Variants in YME1L1 observed in about 807,000 individuals in gnomAD.
YME1L1 encodes the protein ATP-dependent zinc metalloprotease YME1L1.
YME1L1 carries 39 observed loss-of-function variants against 90.4 expected under a neutral mutation model. The ratio of observed to expected loss-of-function variants is 0.43; its 90% confidence interval spans 0.33 to 0.56. The LOEUF is 0.56. Ranked by LOEUF, YME1L1 falls within the 20% of genes least tolerant of loss-of-function variation. The pLI, the probability that YME1L1 is intolerant of heterozygous loss-of-function variation, is 0.03. For missense variants in YME1L1, 617 were observed against 868.4 expected, an observed-to-expected ratio of 0.71 and a Z score of 3.64; for synonymous variants, 284 against 287.3, an observed-to-expected ratio of 0.99 and a Z score of 0.12.
At chr10:27,143,138 G>A (rs1298505300) in intron 3 of YME1L1, among the ~76,000 whole-genome samples, 5 of 152,006 alleles carry the variant, frequency 3.3e-5, no homozygotes, top group Non-Finnish European at 7.4e-5. Flanking sequence ...GGGAGGCAGA[G>A]GTGGGTGGAT....
rs1432910019 is a variant in YME1L1 at position 27,120,479 on chromosome 10, G to C, written c.1367C>G (p.Thr456Arg). Residue 456 changes from threonine to arginine, a missense_variant, in exon 13 of 19, where the codon ACA (threonine) becomes AGA (arginine). Coordinates refer to ENST00000376016, the MANE Select transcript of YME1L1 (RefSeq NM_014263.4). ...ATTGAGATACCATTTCAAAATTTCT[G>C]TTCGACCTTTTACATCTGGCCTTGG... ...TVPRPDVKGR[T>R]EILKWYLNKI... The C allele has an allele frequency of 6.2e-7, 1 of 1,613,630 alleles. No homozygotes were observed. The highest frequency in any genetic ancestry group is 1.3e-5 in the African/African-American group (1 of 74,892).
chr10:27,132,462 G>A (rs1440141565), intron 7 of YME1L1, among the ~76,000 whole-genome samples: 6 of 151,906 alleles, frequency 3.9e-5, no homozygotes, highest in African/African-American at 1.5e-4. Context: ...GACATATTTC[G>A]GCTGCTCTGC....
At chr10:27,137,278 A>G (rs1389718646) in intron 4 of YME1L1, among the ~76,000 whole-genome samples, 1 of 152,048 alleles carries the variant, frequency 6.6e-6, no homozygotes, top group Non-Finnish European at 1.5e-5. Flanking sequence ...ATTTTTTGCA[A>G]TTTTCATTTT....
At chr10:27,118,526 G>A (rs530470781) in intron 14 of YME1L1, among the ~76,000 whole-genome samples, 2 of 152,270 alleles carry the variant, frequency 1.3e-5, no homozygotes, top group South Asian at 4.1e-4. Flanking sequence ...CTGGGCTCAA[G>A]CAGTCCTCCT....
chr10:27,119,270 A>AG (rs1247575129), intron 14 of YME1L1, 24 bp downstream of exon 14: 5 of 1,574,064 alleles, frequency 3.2e-6, no homozygotes, highest in Non-Finnish European at 8.6e-7. Flanking sequence ...AGTAAAAGAC[A>AG]GAAAAAAAAG....
In YME1L1 at chr10:27,112,138, A is replaced by T; in HGVS notation, c.2008-18T>A. ...TATGAGTCCTGAAACAGAAAAGGAGATACGTAAGCAGCAGCAAATGCAGGG... is the reference window on the plus strand; with the variant it reads ...TATGAGTCCTGAAACAGAAAAGGAGTTACGTAAGCAGCAGCAAATGCAGGG... On this transcript the variant is annotated intron_variant, in intron 18 of 18. Transcript: ENST00000376016. 6.3e-7 allele frequency: 1 copy of T among 1,593,724 alleles called. No individual in the cohort carries two copies. The highest frequency in any genetic ancestry group is 8.5e-7 in the Non-Finnish European group (1 of 1,170,510).
intron 8 of YME1L1, chr10:27,129,410 CA>C (rs1476652954): frequency 6.6e-6 from 1 of 152,100 alleles, no homozygotes; most frequent in Non-Finnish European, 1.5e-5. Flanking sequence ...TAATGATTCC[CA>C]ATGCCTTATT....
chr10:27,147,320 C>T (rs2057154282), intron 2 of YME1L1: 1 of 1,102,030 alleles, frequency 9.1e-7, no homozygotes, highest in Non-Finnish European at 1.3e-6. Flanking sequence ...AAAGCAAGAC[C>T]CTGTCTTTAC....
At chr10:27,117,435 G>A in intron 15 of YME1L1, 141 bp downstream of exon 15, 1 of 850,728 alleles carries the variant, frequency 1.2e-6, no homozygotes, top group South Asian at 1.8e-5. Flanking sequence ...GGGCGTGGTG[G>A]TGGGCACCTG....
In YME1L1 at chr10:27,111,820, C is replaced by T; in HGVS notation, c.*157G>A. The stretch of plus-strand genomic sequence containing the variant: ...CAATAGGTGTCATAATGAGAATAAC[C>T]CAAACTGGATAAATGTGACAAATGA... On this transcript the variant is annotated 3_prime_UTR_variant, in exon 19 of 19. Transcript: ENST00000376016. The T allele has an allele frequency of 2.0e-6, 2 of 1,006,252 alleles. No individual in the cohort carries two copies. Among genetic ancestry groups the T allele is most frequent in the Admixed American group, 1.8e-5 (1 of 54,792 alleles). The allele number at this position is 1,006,252 out of a possible 1,614,324, so 62.3% of individuals were successfully genotyped here.
chr10:27,113,457 G>A (rs2135835115), intron 18 of YME1L1, among the ~76,000 whole-genome samples: 1 of 151,510 alleles, frequency 6.6e-6, no homozygotes, highest in East Asian at 1.9e-4. Context: ...GATCGCCTGA[G>A]GTCAAGAGTT....
At chr10:27,123,326 T>G (rs777164901) in intron 10 of YME1L1, among the ~76,000 whole-genome samples, 3 of 151,952 alleles carry the variant, frequency 2.0e-5, no homozygotes, top group Non-Finnish European at 4.4e-5. Context: ...ATCTTGCACT[T>G]CCACTAGCTC....
At chr10:27,149,445 C>A (rs958805877) in intron 1 of YME1L1, among the ~76,000 whole-genome samples, 1 of 152,094 alleles carries the variant, frequency 6.6e-6, no homozygotes, top group Admixed American at 6.5e-5. Context: ...TGCAGTGGCT[C>A]ACGCCTGTAA....
In YME1L1 at chr10:27,145,536, C is replaced by G; in HGVS notation, c.223G>C (p.Asp75His). ...GLSELKIGQI[D>H]QLVENLLPGF... Reference sequence around the variant, plus strand: ...GGAAGTAGATTTTCTACCAGCTGATCAATCTGTCCAATTTTTAGTTCAGAT... The same window carrying G: ...GGAAGTAGATTTTCTACCAGCTGATGAATCTGTCCAATTTTTAGTTCAGAT... The change falls in exon 3 of 19, where the codon GAT (aspartate) becomes CAT (histidine). Residue 75 changes from aspartate to histidine, a missense_variant. Physicochemically the swap from Asp to His is moderately conservative, Grantham distance 81. Around this residue, in one of 4 missense-constraint regions of YME1L1, gnomAD observed 311 missense variants for 335.8 expected, o/e 0.93. Coordinates refer to ENST00000376016, the MANE Select transcript of YME1L1 (RefSeq NM_014263.4). 6.2e-7 allele frequency: 1 copy of G among 1,613,550 alleles called. No individual in the cohort carries two copies. The highest frequency in any genetic ancestry group is 8.5e-7 in the Non-Finnish European group (1 of 1,179,706).
Position 27,148,867 on chromosome 10 carries a change from T to C in YME1L1, c.168+39A>G, listed in dbSNP as rs1246388716. 23 of 1,610,444 alleles carry C rather than the reference T, an allele frequency of 1.4e-5. No homozygotes were observed. In the South Asian group the frequency reaches 2.4e-4, roughly 17 times the overall value. ...CATTTGTTTAAGGGTCAACTGTATA[T>C]CAAAAAGGCTTTCTCACACAACCAG... On this transcript the variant is annotated intron_variant, in intron 2 of 18. Coordinates refer to ENST00000376016, the MANE Select transcript of YME1L1 (RefSeq NM_014263.4).
At chr10:27,150,877 T>C (rs983681261) in intron 1 of YME1L1, among the ~76,000 whole-genome samples, 1 of 152,024 alleles carries the variant, frequency 6.6e-6, no homozygotes, top group Non-Finnish European at 1.5e-5. Context: ...TTTACTCCTT[T>C]ACCTTCTTAA....
chr10:27,122,976 A>C lies in YME1L1; in HGVS notation c.1103-3T>G. The C allele has an allele frequency of 6.2e-7, 1 of 1,606,624 alleles. No individual in the cohort carries two copies. Among genetic ancestry groups the C allele is most frequent in the Non-Finnish European group, 8.5e-7 (1 of 1,178,134 alleles). ...AGGAGCATTCGCCTTTGCTTCCCCT[A>C]AGAAAACAAAAAACATTCAAATAAG... is the stretch of plus-strand genomic sequence containing the variant. On this transcript the variant is annotated splice_region_variant and splice_polypyrimidine_tract_variant and intron_variant, in intron 10 of 18. Coordinates refer to ENST00000376016, the MANE Select transcript of YME1L1 (RefSeq NM_014263.4).
intron 1 of YME1L1, among the ~76,000 whole-genome samples, chr10:27,150,278 G>C (rs923417954): frequency 6.6e-6 from 1 of 152,036 alleles, no homozygotes; most frequent in African/African-American, 2.4e-5. Flanking sequence ...ACCAGGTTTA[G>C]TACTACAGGC....
Position 27,123,577 on chromosome 10 carries a change from C to T in YME1L1, c.1072G>A (p.Val358Met), listed in dbSNP as rs1224451544. 6.2e-7 allele frequency: 1 copy of T among 1,613,760 alleles called. No individual in the cohort carries two copies. Among genetic ancestry groups the T allele is most frequent in the Admixed American group, 1.7e-5 (1 of 59,952 alleles). The stretch of plus-strand genomic sequence containing the variant: ...AGATTTCTGATACGGCTGGCTCCCA[C>T]ACCCACAAACATCTCATCAAATTCG... ...GSEFDEMFVG[V>M]GASRIRNLFR... Residue 358 changes from valine (V) to methionine (M), a missense_variant, in exon 10 of 19, where the codon GTG becomes ATG. Coordinates refer to ENST00000376016, the MANE Select transcript of YME1L1 (RefSeq NM_014263.4).
Sources: allele counts gnomAD v4.1 joint callset (sites outside exome capture counted in the v4.1 genomes callset), GRCh38; gene constraint gnomAD v4.1.1; regional missense constraint gnomAD v4.1.1; transcripts MANE v1.5; gene names NCBI Gene and HGNC (gene_info 2026-07-23, HGNC 2026-07-21).